Variants in TPCN2 observed in about 807,000 individuals in gnomAD.
The protein encoded by TPCN2 is two pore channel protein 2.
A neutral mutation model predicts 111.4 loss-of-function variants in TPCN2; 92 were observed. That is an observed-to-expected ratio of 0.83 (90% CI 0.70 to 0.98). TPCN2 has a LOEUF of 0.98. Among genes scored for constraint, TPCN2 ranks in the 50% least tolerant of loss-of-function variants. The probability of loss-of-function intolerance (pLI) is 0.00; values close to 1 mark genes in which losing one functional copy is unlikely to be tolerated. For synonymous variants in TPCN2, 405 were observed against 414.5 expected, an observed-to-expected ratio of 0.98 and a Z score of 0.28; for missense variants, 995 against 980.1, an observed-to-expected ratio of 1.02 and a Z score of -0.20.
chr11:69,073,460 T>TGGGGGCAGCAC (rs2134594714), intron 13 of TPCN2, among the ~76,000 whole-genome samples: 1 of 152,306 alleles, frequency 6.6e-6, no homozygotes, highest in South Asian at 2.1e-4. Flanking sequence ...ACAGGCAGTG[T>TGGGGGCAGCAC]GGGGGCAGCA....
chr11:69,061,666 A>G (rs914554294), intron 5 of TPCN2, among the ~76,000 whole-genome samples: 3 of 150,856 alleles, frequency 2.0e-5, no homozygotes, highest in African/African-American at 7.3e-5. Flanking sequence ...GCTCATGGGG[A>G]CCCCCAGGTG....
chr11:69,081,560 C>T (rs1407245281), intron 18 of TPCN2, 61 bp downstream of exon 18: 6 of 1,330,494 alleles, frequency 4.5e-6, no homozygotes, highest in Non-Finnish European at 5.2e-6. Flanking sequence ...TGCGTTGCTC[C>T]AGGGTGGGTG....
At chr11:69,073,583 C>T (rs974011676) in intron 13 of TPCN2, among the ~76,000 whole-genome samples, 6 of 152,234 alleles carry the variant, frequency 3.9e-5, no homozygotes, top group South Asian at 2.1e-4. Context: ...TCACTTTTCT[C>T]GTTTGCTCAG....
In TPCN2 at chr11:69,049,023, A is replaced by AAAC. The variant is rs1359619649; in HGVS notation, c.26_27insAAC (p.Glu9_Pro10insThr). 9 of 1,240,648 alleles carry AAAC rather than the reference A, an allele frequency of 7.3e-6. No individual in the cohort carries two copies. Among genetic ancestry groups the AAAC allele is most frequent in the Non-Finnish European group, 9.1e-6 (9 of 988,254 alleles). 76.9% of individuals were successfully genotyped at this position (1,240,648 alleles called of 1,614,324 possible). A position where few individuals can be genotyped will look rare whatever the true frequency, so the allele number is the denominator to read the frequency against. ...ATGGCGGAACCCCAGGCGGAGTCGG[A>AAAC]GCCCCTGCTGGGCGGGGCCCGCGGC... On this transcript the variant is annotated inframe_insertion, in exon 1 of 25. Coordinates refer to ENST00000294309, the MANE Select transcript of TPCN2 (RefSeq NM_139075.4).
Position 69,078,970 on chromosome 11 carries a change from C to T in TPCN2, c.1489C>T (p.Leu497=). 2 of 1,613,952 alleles carry T rather than the reference C, an allele frequency of 1.2e-6. No homozygotes were observed. Among genetic ancestry groups the T allele is most frequent in the Non-Finnish European group, 1.7e-6 (2 of 1,179,952 alleles). The change falls in exon 16 of 25, where the codon CTG becomes TTG. Residue 497 remains leucine, a synonymous_variant. Coordinates refer to ENST00000294309, the MANE Select transcript of TPCN2 (RefSeq NM_139075.4). ...CTTTGCCCTGGGCCTGCGAGGGTAC[C>T]TGTCCTACCCCAGCAACGTGTTTGA... ...KVFALGLRGY[L]SYPSNVFDGL...
chr11:69,086,422 G>A (rs983020119), intron 22 of TPCN2, 101 bp from the exon 23 acceptor site: 9 of 950,644 alleles, frequency 9.5e-6, no homozygotes, highest in Non-Finnish European at 1.6e-5. Context: ...TGTGTGGGCC[G>A]GCTGCCCGAG....
At chr11:69,070,957 C>A (rs1448831138) in intron 9 of TPCN2, among the ~76,000 whole-genome samples, 16 of 148,690 alleles carry the variant, frequency 1.1e-4, no homozygotes, top group African/African-American at 4.0e-4. Flanking sequence ...CGGCTTCACC[C>A]CAGGGATCCC....
intron 9 of TPCN2, 94 bp from the exon 10 acceptor site, chr11:69,071,261 GC>G: frequency 3.3e-6 from 3 of 919,764 alleles, no homozygotes; most frequent in Non-Finnish European, 5.3e-6. Context: ...GATAGGGGAC[GC>G]CCCCGGCGCT....
intron 13 of TPCN2, among the ~76,000 whole-genome samples, chr11:69,075,111 C>T (rs1234238247): frequency 6.6e-6 from 1 of 152,232 alleles, no homozygotes; most frequent in Non-Finnish European, 1.5e-5. Context: ...GGTGGTCTCC[C>T]TGGAGGTCCC....
At chr11:69,082,912 C>T (rs3019774) in intron 18 of TPCN2, among the ~76,000 whole-genome samples, 5,830 of 116,052 alleles carry the variant, frequency 0.05, 1,224 homozygotes, top group East Asian at 0.16. Context: ...CAGATATCCA[C>T]GTGAACTCGT....
intron 5 of TPCN2, among the ~76,000 whole-genome samples, chr11:69,061,081 G>A (rs1854999422): frequency 6.6e-6 from 1 of 152,348 alleles, no homozygotes; most frequent in East Asian, 1.9e-4. Flanking sequence ...AGAATAGGCA[G>A]GTCTCTTGTC....
intron 1 of TPCN2, among the ~76,000 whole-genome samples, chr11:69,052,806 C>T (rs1027634985): frequency 2.0e-5 from 3 of 152,222 alleles, no homozygotes; most frequent in Non-Finnish European, 4.4e-5. Context: ...CTGCTGCTGC[C>T]TCCCATGTCA....
intron 5 of TPCN2, among the ~76,000 whole-genome samples, chr11:69,061,388 T>C (rs1458664251): frequency 1.3e-5 from 2 of 152,148 alleles, no homozygotes; most frequent in Non-Finnish European, 2.9e-5. Flanking sequence ...GGTTTTGGTT[T>C]TGTGCAAGGA....
intron 4 of TPCN2, 140 bp from the exon 5 acceptor site, chr11:69,057,438 C>T: frequency 1.3e-6 from 1 of 784,872 alleles, no homozygotes; most frequent in Non-Finnish European, 2.2e-6. Context: ...GACTGCTGCT[C>T]TGCGTCCCGT....
chr11:69,057,584 C>T lies in TPCN2; in HGVS notation c.436C>T (p.Leu146=), dbSNP rs1854833181. ...CCGCCCGTCTATCTTGCAGGGTTACCTGTTCGGGTGGGCCCATTTCCAGAA... is the reference window on the plus strand; with the variant it reads ...CCGCCCGTCTATCTTGCAGGGTTACTTGTTCGGGTGGGCCCATTTCCAGAA... ...FAADLSVKGY[L]FGWAHFQKNL... Residue 146 remains leucine, a synonymous_variant, in exon 5 of 25, where the codon CTG becomes TTG. Transcript: ENST00000294309. 1 of 1,614,048 alleles carries T rather than the reference C, an allele frequency of 6.2e-7. No individual in the cohort carries two copies. The highest frequency in any genetic ancestry group is 1.3e-5 in the African/African-American group (1 of 74,926).
intron 8 of TPCN2, among the ~76,000 whole-genome samples, chr11:69,069,238 G>A (rs61881023): frequency 0.11 from 2,988 of 26,074 alleles, 1 homozygote; most frequent in Non-Finnish European, 0.14. Flanking sequence ...AGTGACCGCA[G>A]TGGGAGCAGG....
intron 1 of TPCN2, 110 bp downstream of exon 1, chr11:69,049,216 C>T: frequency 1.4e-6 from 1 of 706,046 alleles, no homozygotes. Flanking sequence ...CCACCAGGTT[C>T]GAGTCCGAGC....
At chr11:69,077,125 C>T (rs1855813039) in intron 13 of TPCN2, among the ~76,000 whole-genome samples, 1 of 123,204 alleles carries the variant, frequency 8.1e-6, no homozygotes, top group Non-Finnish European at 1.7e-5. Context: ...GCCCTCCTGC[C>T]ATGTCCCTCC....
chr11:69,054,828 TC>T (rs1218401389), intron 3 of TPCN2, 31 bp downstream of exon 3: 1 of 1,605,022 alleles, frequency 6.2e-7, no homozygotes, highest in Non-Finnish European at 8.5e-7. Context: ...AACTCAGGGT[TC>T]CTGCCGGCTT....
Sources: allele counts gnomAD v4.1 joint callset (sites outside exome capture counted in the v4.1 genomes callset), GRCh38; gene constraint gnomAD v4.1.1; transcripts MANE v1.5; gene names NCBI Gene and HGNC (gene_info 2026-07-23, HGNC 2026-07-21).